HIGD2B: variants seen among roughly 807,000 people sequenced by gnomAD.
The protein encoded by HIGD2B is HIG1 domain family member 2B.
For synonymous variants in HIGD2B, 45 were observed against 28.1 expected, an observed-to-expected ratio of 1.60 and a Z score of -1.90; for missense variants, 106 against 67.0, an observed-to-expected ratio of 1.58 and a Z score of -2.03.
At chr15:72,679,155 G>A in intron 2 of HIGD2B, among the ~76,000 whole-genome samples, 1 of 151,796 alleles carries the variant, frequency 6.6e-6, no homozygotes, top group East Asian at 1.9e-4. Context: ...CCTAAAATCA[G>A]GAGTTTGAGA....
At position 72,676,363 on chromosome 15, in the gene HIGD2B, G is replaced by A. The variant is rs556995380; in HGVS notation, c.12C>T (p.Leu4=). 3 of 756,386 alleles carry A rather than the reference G, an allele frequency of 4.0e-6. No homozygotes were observed. The highest frequency in any genetic ancestry group is 1.7e-5 in the Admixed American group (1 of 57,416). The allele number at this position is 756,386 out of a possible 1,614,324, so 46.9% of individuals were successfully genotyped here. A position where few individuals can be genotyped will look rare whatever the true frequency, so the allele number is the denominator to read the frequency against. Residue 4 remains leucine (L), a synonymous_variant, in exon 3 of 3, where the codon CTC becomes CTT. Coordinates refer to ENST00000311755, the MANE Select transcript of HIGD2B (RefSeq NM_001350932.3). ...AGGGGGCCTCCGGAGTCACAAAGCC[G>A]AGAGTCGCCATGCCTAGGCCACAGC... MAT[L]GFVTPEAPFE...
In HIGD2B at chr15:72,676,244, C is replaced by T. The variant is rs781242221; in HGVS notation, c.131G>A (p.Arg44His). ...ACCTATGGGTACCACCGGATTCTCG[C>T]GGGTCTTGCGAAGGAACTTTTCCTT... ...GFKEKFLRKT[R>H]ENPVVPIGFL... Residue 44 changes from arginine to histidine, a missense_variant, in exon 3 of 3, where the codon CGC becomes CAC. Coordinates refer to ENST00000311755, the MANE Select transcript of HIGD2B (RefSeq NM_001350932.3). 3.4e-5 allele frequency: 26 copies of T among 766,776 alleles called. No homozygotes were observed. The highest frequency in any genetic ancestry group is 1.9e-4 in the Admixed American group (11 of 58,744). The allele number at this position is 766,776 out of a possible 1,614,324, so 47.5% of individuals were successfully genotyped here. A position where few individuals can be genotyped will look rare whatever the true frequency, so the allele number is the denominator to read the frequency against.
At chr15:72,683,785 G>A (rs8026286) in intron 1 of HIGD2B, among the ~76,000 whole-genome samples, 14,857 of 152,064 alleles carry the variant, frequency 0.098, 739 homozygotes, top group African/African-American at 0.11. Flanking sequence ...AGGCTGCAGT[G>A]AGCCGTGATT....
intron 2 of HIGD2B, among the ~76,000 whole-genome samples, chr15:72,679,729 T>A (rs1432495271): frequency 1.3e-5 from 2 of 151,976 alleles, no homozygotes; most frequent in Non-Finnish European, 2.9e-5. Context: ...CCTACCTTTT[T>A]AAAAAACACT....
chr15:72,676,637 G>A (rs779083050), intron 2 of HIGD2B, among the ~76,000 whole-genome samples: 52 of 152,068 alleles, frequency 3.4e-4, no homozygotes, highest in Admixed American at 6.5e-4. Flanking sequence ...GGCTGGTCTC[G>A]AACTCCTGAC....
chr15:72,685,345 T>A (rs1343731758), intron 1 of HIGD2B, among the ~76,000 whole-genome samples: 2 of 152,188 alleles, frequency 1.3e-5, no homozygotes, highest in Non-Finnish European at 2.9e-5. Flanking sequence ...AGTGCTCAGG[T>A]GCAGGGATCC....
At chr15:72,680,259 C>CG (rs1465376799) in intron 1 of HIGD2B, 66 bp from the exon 2 acceptor site, 3 of 153,294 alleles carry the variant, frequency 2.0e-5, no homozygotes, top group African/African-American at 7.2e-5. Context: ...AAATAACAAA[C>CG]TTAAGTTCTT....
Position 72,676,126 on chromosome 15 carries a change from G to T in HIGD2B, c.249C>A (p.Ile83=). 1 of 765,338 alleles carries T rather than the reference G, an allele frequency of 1.3e-6. No individual in the cohort carries two copies. 47.4% of individuals were successfully genotyped at this position (765,338 alleles called of 1,614,324 possible). A position where few individuals can be genotyped will look rare whatever the true frequency, so the allele number is the denominator to read the frequency against. The change falls in exon 3 of 3, where the codon ATC becomes ATA. Residue 83 remains isoleucine (I), a synonymous_variant. Transcript: ENST00000311755. ...CTGCAATGGTGAAGCCCTGGGCGGC[G>T]ATCTGGGTGTGCATCATAAGCCGTG... ...QCSRLMMHTQ[I]AAQGFTIAAI... is the part of the protein sequence containing the mutation.
At chr15:72,682,793 A>G (rs998432853) in intron 1 of HIGD2B, 4 of 235,734 alleles carry the variant, frequency 1.7e-5, no homozygotes, top group African/African-American at 7.0e-5. Context: ...ACATGTTCAT[A>G]TAGCCATCTA....
At chr15:72,678,755 T>C (rs2064717911) in intron 2 of HIGD2B, among the ~76,000 whole-genome samples, 1 of 151,956 alleles carries the variant, frequency 6.6e-6, no homozygotes, top group African/African-American at 2.4e-5. Context: ...CCCAACACTT[T>C]GGGAGGTCAA....
intron 1 of HIGD2B, among the ~76,000 whole-genome samples, chr15:72,681,161 C>T (rs534820992): frequency 2.6e-5 from 4 of 152,206 alleles, no homozygotes; most frequent in Admixed American, 6.5e-5. Context: ...CAGTAGTCTC[C>T]GTGGCCCTGT....
chr15:72,680,990 G>T (rs997441501), intron 1 of HIGD2B, among the ~76,000 whole-genome samples: 1 of 152,206 alleles, frequency 6.6e-6, no homozygotes, highest in Non-Finnish European at 1.5e-5. Flanking sequence ...ATAGCTAAGG[G>T]ACTGTCTGAG....
At chr15:72,679,043 G>A (rs1214646371) in intron 2 of HIGD2B, among the ~76,000 whole-genome samples, 2 of 141,012 alleles carry the variant, frequency 1.4e-5, no homozygotes, top group Non-Finnish European at 3.1e-5. Flanking sequence ...AAGGAAGGAA[G>A]GAGGGAAAAG....
rs370597427 is a variant in HIGD2B, at chr15:72,676,407, GTT to G, written c.-13-22_-13-21del. The G allele has an allele frequency of 3.7e-4, 226 of 609,344 alleles. No homozygotes were observed. The highest frequency in any genetic ancestry group is 5.4e-4 in the East Asian group (19 of 35,464). The allele number at this position is 609,344 out of a possible 1,614,324, so 37.7% of individuals were successfully genotyped here. ...CCACAGCTGCAGGAGAAAATCCTTT[GTT>G]TTTTTTTTTTTTTGAGAAGGAGTCT... On this transcript the variant is annotated intron_variant, in intron 2 of 2. Transcript: ENST00000311755.
chr15:72,680,487 T>C (rs1195075235), intron 1 of HIGD2B, among the ~76,000 whole-genome samples: 3 of 152,362 alleles, frequency 2.0e-5, no homozygotes, highest in East Asian at 3.9e-4. Flanking sequence ...ATTTATTGTT[T>C]CATGTACTAA....
rs1457828916 is a variant in HIGD2B at position 72,676,371 on chromosome 15, C to T, written c.4G>A (p.Ala2Thr). Residue 2 changes from alanine to threonine, a missense_variant, in exon 3 of 3, where the codon GCG becomes ACG. By Grantham distance (58) the Ala-to-Thr change is moderately conservative. Coordinates refer to ENST00000311755, the MANE Select transcript of HIGD2B (RefSeq NM_001350932.3). ...TCCGGAGTCACAAAGCCGAGAGTCG[C>T]CATGCCTAGGCCACAGCTGCAGGAG... The part of the protein sequence containing the change: M[A>T]TLGFVTPEAP... 1 of 753,920 alleles carries T rather than the reference C, an allele frequency of 1.3e-6. No individual in the cohort carries two copies. Among genetic ancestry groups the T allele is most frequent in the Non-Finnish European group, 2.4e-6 (1 of 411,970 alleles). The allele number at this position is 753,920 out of a possible 1,614,324, so 46.7% of individuals were successfully genotyped here.
chr15:72,678,318 C>A (rs781621397), intron 2 of HIGD2B, among the ~76,000 whole-genome samples: 2 of 151,738 alleles, frequency 1.3e-5, no homozygotes, highest in Non-Finnish European at 2.9e-5. Flanking sequence ...TTTTTTTAGA[C>A]AGGTTCTCAC....
At position 72,676,323 on chromosome 15, in the gene HIGD2B, G is replaced by A. The variant is rs761181003; in HGVS notation, c.52C>T (p.Pro18Ser). 2.6e-5 allele frequency: 20 copies of A among 761,366 alleles called. No individual in the cohort carries two copies. Among genetic ancestry groups the A allele is most frequent in the South Asian group, 2.6e-4 (19 of 73,680 alleles). The allele number at this position is 761,366 out of a possible 1,614,324, so 47.2% of individuals were successfully genotyped here. ...TPEAPFESSK[P>S]PIFEGLSPTV... Reference sequence around the variant, plus strand: ...GGGCTAAGCCCCTCAAAGATGGGGGGCTTCGATGATTCAAAGGGGGCCTCC... The same window carrying A: ...GGGCTAAGCCCCTCAAAGATGGGGGACTTCGATGATTCAAAGGGGGCCTCC... Residue 18 changes from proline to serine, a missense_variant, in exon 3 of 3, where the codon CCC becomes TCC. Physicochemically the swap from Pro to Ser is moderately conservative, Grantham distance 74. Coordinates refer to ENST00000311755, the MANE Select transcript of HIGD2B (RefSeq NM_001350932.3).
In HIGD2B at chr15:72,680,095, C is replaced by A. The variant is rs2064733187; in HGVS notation, c.-94G>T. 8.9e-6 allele frequency: 3 copies of A among 335,914 alleles called. No individual in the cohort carries two copies. In the South Asian group the frequency reaches 2.1e-4, roughly 24 times the overall value. The allele number at this position is 335,914 out of a possible 1,614,324, so 20.8% of individuals were successfully genotyped here. A position where few individuals can be genotyped will look rare whatever the true frequency, so the allele number is the denominator to read the frequency against. On this transcript the variant is annotated 5_prime_UTR_variant, in exon 2 of 3. Transcript: ENST00000311755. ...CATAGATTCCCTGCTTTTGCCTGGG[C>A]AAAATAGTCCATCAACCAAAGTTTA...
Sources: allele counts gnomAD v4.1 joint callset (sites outside exome capture counted in the v4.1 genomes callset), GRCh38; gene constraint gnomAD v4.1.1; transcripts MANE v1.5; gene names NCBI Gene and HGNC (gene_info 2026-07-23, HGNC 2026-07-21).